The following ACAD11 variants were observed in gnomAD, a reference collection of about 807,000 sequenced individuals.
The protein encoded by ACAD11 is acyl-CoA dehydrogenase family member 11.
ACAD11 carries 83 observed loss-of-function variants against 102.2 expected under a neutral mutation model. The ratio of observed to expected loss-of-function variants is 0.81; its 90% confidence interval spans 0.68 to 0.97. The LOEUF (loss-of-function observed/expected upper bound fraction) is 0.97, where lower values mean the gene tolerates loss of function less well. ACAD11 is among the 50% of genes least tolerant of loss of function. The pLI is 0.00. For synonymous variants in ACAD11, 324 were observed against 319.8 expected, an observed-to-expected ratio of 1.01 and a Z score of -0.14; for missense variants, 901 against 951.7, an observed-to-expected ratio of 0.95 and a Z score of 0.70.
chr3:132,590,359 G>A (rs562242201), intron 13 of ACAD11, among the ~76,000 whole-genome samples: 48 of 152,276 alleles, frequency 3.2e-4, no homozygotes, highest in African/African-American at 1.1e-3. Context: ...CCAGGTTCAA[G>A]TGATTCTCGT....
intron 1 of ACAD11, among the ~76,000 whole-genome samples, chr3:132,645,506 A>G (rs1244533292): frequency 1.3e-5 from 2 of 152,156 alleles, no homozygotes; most frequent in East Asian, 3.8e-4. Context: ...CACCTAAACT[A>G]AGGATAGACA....
intron 13 of ACAD11, among the ~76,000 whole-genome samples, chr3:132,595,687 T>C (rs1330500748): frequency 6.6e-6 from 1 of 152,158 alleles, no homozygotes; most frequent in East Asian, 1.9e-4. Context: ...AACAATCATA[T>C]GAAAAAAAGC....
chr3:132,644,780 AC>A lies in ACAD11; in HGVS notation c.249+16del. On this transcript the variant is annotated intron_variant, in intron 2 of 19. Transcript: ENST00000264990. ...ATTTGTCACCAAAGAATTTATCATTACATTTGTATACTATACCTGATGTGCT... is the reference window on the plus strand; with the variant it reads ...ATTTGTCACCAAAGAATTTATCATTAATTTGTATACTATACCTGATGTGCT... The A allele has an allele frequency of 6.7e-7, 1 of 1,491,122 alleles. No homozygotes were observed. Among genetic ancestry groups the A allele is most frequent in the Non-Finnish European group, 9.1e-7 (1 of 1,098,702 alleles). The allele number at this position is 1,491,122 out of a possible 1,614,324, so 92.4% of individuals were successfully genotyped here. A position where few individuals can be genotyped will look rare whatever the true frequency, so the allele number is the denominator to read the frequency against.
At chr3:132,567,670 C>G (rs1203532547) in intron 17 of ACAD11, among the ~76,000 whole-genome samples, 1 of 152,010 alleles carries the variant, frequency 6.6e-6, no homozygotes, top group Non-Finnish European at 1.5e-5. Context: ...AAAATATGAC[C>G]AAACTATATG....
At chr3:132,646,119 G>T (rs1346631309) in intron 1 of ACAD11, among the ~76,000 whole-genome samples, 1 of 152,072 alleles carries the variant, frequency 6.6e-6, no homozygotes, top group Non-Finnish European at 1.5e-5. Flanking sequence ...TGGGACTACA[G>T]GCGCCCGCCA....
chr3:132,588,354 C>T (rs1411657558), intron 13 of ACAD11, among the ~76,000 whole-genome samples: 1 of 152,128 alleles, frequency 6.6e-6, no homozygotes. Context: ...ATCAGGTCTT[C>T]ACTTACCCAG....
At chr3:132,590,017 G>T (rs1576567204) in intron 13 of ACAD11, among the ~76,000 whole-genome samples, 1 of 152,196 alleles carries the variant, frequency 6.6e-6, no homozygotes, top group Non-Finnish European at 1.5e-5. Context: ...CTCCATCCAT[G>T]TTCCTGCAAA....
intron 11 of ACAD11, among the ~76,000 whole-genome samples, chr3:132,612,415 A>G (rs1939196083): frequency 6.6e-6 from 1 of 152,054 alleles, no homozygotes; most frequent in Admixed American, 6.5e-5. Flanking sequence ...CAGCAAAAGA[A>G]ACTACCATCA....
chr3:132,573,657 A>G (rs1446844323), intron 17 of ACAD11, among the ~76,000 whole-genome samples: 1 of 152,220 alleles, frequency 6.6e-6, no homozygotes, highest in African/African-American at 2.4e-5. Context: ...CAGGATAATT[A>G]CAACTTTATA....
chr3:132,581,710 T>G (rs1036603522), intron 13 of ACAD11, among the ~76,000 whole-genome samples: 1 of 152,018 alleles, frequency 6.6e-6, no homozygotes. Flanking sequence ...TAATGTGACA[T>G]GAATTTAATA....
chr3:132,605,094 T>TCTGTCA lies in ACAD11; in HGVS notation c.1522+3_1522+4insTGACAG, dbSNP rs1200820118. 9.3e-6 allele frequency: 15 copies of TCTGTCA among 1,607,504 alleles called. No homozygotes were observed. In the African/African-American group the frequency reaches 1.9e-4, roughly 20 times the overall value. ...ACAAGGAGAGAATGGTGATTGGCAT[T>TCTGTCA]TACCTGTCATACAGAAGCAAGAGGT... On this transcript the variant is annotated splice_donor_region_variant and intron_variant, in intron 12 of 19. Transcript: ENST00000264990.
chr3:132,592,366 T>A (rs1024318921), intron 13 of ACAD11, among the ~76,000 whole-genome samples: 2 of 152,184 alleles, frequency 1.3e-5, no homozygotes, highest in Non-Finnish European at 2.9e-5. Flanking sequence ...ACATATATGC[T>A]GTGTCACAGG....
Position 132,572,332 on chromosome 3 carries a change from AC to A in ACAD11, c.2001+3439del, listed in dbSNP as rs369952078. ...AATAAAATACCTAGGAATAGAGCTAACCAGGGAGGTAAAAAATCTTTACAAG... is the reference window on the plus strand; with the variant it reads ...AATAAAATACCTAGGAATAGAGCTAACAGGGAGGTAAAAAATCTTTACAAG... On this transcript the variant is annotated intron_variant, in intron 17 of 19. Transcript: ENST00000264990. 4.4e-3 allele frequency among the ~76,000 whole-genome samples: 676 copies of A among 152,282 alleles called. 5 individuals carry two copies. The highest frequency in any genetic ancestry group is 0.016 in the African/African-American group (646 of 41,560).
intron 11 of ACAD11, among the ~76,000 whole-genome samples, chr3:132,614,147 C>T (rs1939297349): frequency 6.6e-6 from 1 of 152,082 alleles, no homozygotes; most frequent in Non-Finnish European, 1.5e-5. Flanking sequence ...AGGAGAACTA[C>T]AAACCACTGC....
At chr3:132,609,355 G>GA (rs1399364685) in intron 11 of ACAD11, among the ~76,000 whole-genome samples, 1 of 152,010 alleles carries the variant, frequency 6.6e-6, no homozygotes, top group Non-Finnish European at 1.5e-5. Context: ...TCCAGGAGCT[G>GA]TTTTTTTGAA....
intron 11 of ACAD11, among the ~76,000 whole-genome samples, chr3:132,610,107 G>A (rs1445011621): frequency 6.6e-6 from 1 of 152,008 alleles, no homozygotes; most frequent in Non-Finnish European, 1.5e-5. Flanking sequence ...AATAAACTCG[G>A]TATTGATAGA....
chr3:132,631,534 T>C, intron 5 of ACAD11, 55 bp from the exon 6 acceptor site: 2 of 1,259,658 alleles, frequency 1.6e-6, no homozygotes, highest in Non-Finnish European at 2.1e-6. Flanking sequence ...ACAAGTATAA[T>C]AAAGAAATAA....
chr3:132,634,916 G>T (rs1474407698), intron 5 of ACAD11, among the ~76,000 whole-genome samples: 1 of 134,136 alleles, frequency 7.5e-6, no homozygotes, highest in Non-Finnish European at 1.6e-5. Flanking sequence ...GGGGTGGGGG[G>T]GTGGGGAGGG....
chr3:132,630,018 C>G (rs183337574), intron 7 of ACAD11, among the ~76,000 whole-genome samples: 2 of 152,008 alleles, frequency 1.3e-5, no homozygotes, highest in Non-Finnish European at 2.9e-5. Context: ...ATACTAGATA[C>G]TGTGCTAGCC....
Sources: allele counts gnomAD v4.1 joint callset (sites outside exome capture counted in the v4.1 genomes callset), GRCh38; gene constraint gnomAD v4.1.1; transcripts MANE v1.5; gene names NCBI Gene and HGNC (gene_info 2026-07-23, HGNC 2026-07-21).